Variants in SATL1 observed in about 807,000 individuals in gnomAD.
SATL1 encodes the protein spermidine/spermine N(1)-acetyltransferase-like protein 1.
A neutral mutation model predicts 51.8 loss-of-function variants in SATL1; 47 were observed. The ratio of observed to expected loss-of-function variants is 0.91; its 90% CI spans 0.72 to 1.16. The LOEUF (loss-of-function observed/expected upper bound fraction) is 1.16, where lower values mean the gene tolerates loss of function less well. SATL1 is among the 50% of genes most tolerant of loss of function. SATL1 has a pLI of 0.00. For synonymous variants in SATL1, 176 were observed against 182.4 expected (o/e 0.97, Z 0.28); for missense variants, 520 against 526.4 (o/e 0.99, Z 0.12).
At chrX:85,115,472 A>C (rs1381837128) in intron 2 of SATL1, among the ~76,000 whole-genome samples, 1 of 112,537 alleles carries the variant, frequency 8.9e-6, no homozygotes, top group Non-Finnish European at 1.9e-5. Flanking sequence ...AGACAGGAGA[A>C]GGGTTGGAGG....
chrX:85,194,957 G>T (rs910830247), intron 2 of SATL1, among the ~76,000 whole-genome samples: 2 of 109,251 alleles, frequency 1.8e-5, no homozygotes, highest in Admixed American at 9.9e-5. Flanking sequence ...AACCCCCATG[G>T]CATGTGTATA....
intron 2 of SATL1, among the ~76,000 whole-genome samples, chrX:85,119,610 G>T (rs60300971): frequency 0.14 from 15,844 of 110,694 alleles, 1,698 homozygotes; most frequent in African/African-American, 0.37. Flanking sequence ...GGAAACTCTG[G>T]AGGCTTTTTG....
chrX:85,156,111 G>T (rs1926580595), intron 2 of SATL1, among the ~76,000 whole-genome samples: 1 of 111,391 alleles, frequency 9.0e-6, no homozygotes, highest in Admixed American at 9.6e-5. Flanking sequence ...ATAATAAAAT[G>T]TTGGATGAAT....
intron 2 of SATL1, among the ~76,000 whole-genome samples, chrX:85,182,958 A>T (rs1396927267): frequency 9.0e-6 from 1 of 111,536 alleles, no homozygotes; most frequent in Non-Finnish European, 1.9e-5. Flanking sequence ...GAGATGCTTG[A>T]GTTCCTTGTG....
At chrX:85,099,138 A>C (rs1236490102) in intron 4 of SATL1, among the ~76,000 whole-genome samples, 1 of 111,572 alleles carries the variant, frequency 9.0e-6, no homozygotes, top group Non-Finnish European at 1.9e-5. Context: ...ATTATGATTT[A>C]TATAACAACA....
chrX:85,222,860 T>C (rs993528070), intron 2 of SATL1, among the ~76,000 whole-genome samples: 1 of 111,854 alleles, frequency 8.9e-6, no homozygotes, highest in African/African-American at 3.2e-5. Flanking sequence ...TCTTCTCCAC[T>C]AGGAGAGAAT....
At chrX:85,129,310 T>G (rs1307810437) in intron 2 of SATL1, among the ~76,000 whole-genome samples, 1 of 111,974 alleles carries the variant, frequency 8.9e-6, no homozygotes, top group Admixed American at 9.5e-5. Flanking sequence ...GTTTGTGTCC[T>G]CTTTTATTTT....
intron 2 of SATL1, chrX:85,210,328 T>A (rs1169249948): frequency 9.4e-6 from 1 of 106,476 alleles, no homozygotes; most frequent in African/African-American, 3.4e-5. Context: ...TTAGAACAAT[T>A]TTCTATATCT....
At position 85,189,856 on chromosome X, in the gene SATL1, A is replaced by C. The variant is rs753832061; in HGVS notation, c.-313+34349T>G. On this transcript the variant is annotated intron_variant, in intron 2 of 7. Coordinates refer to ENST00000644105, the MANE Select transcript of SATL1 (RefSeq NM_001367857.2). ...AAAAGAAACTTCTTGTCTCTTCTTT[A>C]GTCATTTCTTTGCTAGTTAGTTCTA... Among the ~76,000 whole-genome samples the C allele has an allele frequency of 1.5e-3, 163 of 112,251 alleles. 1 individual carries two copies. Among genetic ancestry groups the C allele is most frequent in the African/African-American group, 5.1e-3 (159 of 30,968 alleles).
intron 2 of SATL1, among the ~76,000 whole-genome samples, chrX:85,223,303 T>C (rs954776337): frequency 9.0e-6 from 1 of 111,366 alleles, no homozygotes; most frequent in Non-Finnish European, 1.9e-5. Context: ...TTTAGAGACT[T>C]GGTAGTGTTG....
At chrX:85,143,292 T>C (rs1238382850) in intron 2 of SATL1, 4 of 111,767 alleles carry the variant, frequency 3.6e-5, no homozygotes, top group Non-Finnish European at 3.8e-5. Flanking sequence ...ATACATGCTG[T>C]AAAGAACAAG....
At chrX:85,237,967 A>G (rs1215327959) in intron 1 of SATL1, among the ~76,000 whole-genome samples, 1 of 111,737 alleles carries the variant, frequency 8.9e-6, no homozygotes, top group African/African-American at 3.2e-5. Context: ...CATGCTCAAC[A>G]TAATTGATAA....
chrX:85,192,033 G>A (rs1453783691), intron 2 of SATL1, among the ~76,000 whole-genome samples: 2 of 111,776 alleles, frequency 1.8e-5, no homozygotes, highest in East Asian at 2.8e-4. Context: ...TCCTCACTTG[G>A]TGTATCAATT....
chrX:85,158,875 A>G (rs1484825760), intron 2 of SATL1, among the ~76,000 whole-genome samples: 14 of 112,067 alleles, frequency 1.2e-4, no homozygotes, highest in African/African-American at 4.5e-4. Flanking sequence ...GAATAAATTG[A>G]AAGTAGGAGG....
At chrX:85,136,178 G>T (rs1297464152) in intron 2 of SATL1, among the ~76,000 whole-genome samples, 1 of 110,003 alleles carries the variant, frequency 9.1e-6, no homozygotes, top group Non-Finnish European at 1.9e-5. Flanking sequence ...ATAGGAGAAA[G>T]AATAGATAGG....
intron 2 of SATL1, among the ~76,000 whole-genome samples, chrX:85,149,607 A>C (rs1346468109): frequency 8.9e-6 from 1 of 111,977 alleles, no homozygotes; most frequent in Non-Finnish European, 1.9e-5. Context: ...AAATTATAAC[A>C]AACTGTCTCT....
At chrX:85,208,981 G>T (rs764245996) in intron 2 of SATL1, 3 of 112,085 alleles carry the variant, frequency 2.7e-5, no homozygotes, top group African/African-American at 9.7e-5. Flanking sequence ...CCATGCCTAT[G>T]TCCTGAATGG....
At chrX:85,122,439 G>A (rs1925528561) in intron 2 of SATL1, among the ~76,000 whole-genome samples, 1 of 110,984 alleles carries the variant, frequency 9.0e-6, no homozygotes, top group Non-Finnish European at 1.9e-5. Context: ...ACACTCTGAA[G>A]TTTAAGAATC....
At chrX:85,189,589 C>G (rs1182246892) in intron 2 of SATL1, among the ~76,000 whole-genome samples, 1 of 111,895 alleles carries the variant, frequency 8.9e-6, no homozygotes, top group Non-Finnish European at 1.9e-5. Context: ...AACCTCCCCT[C>G]TCAGATAAAA....
Sources: gnomAD v4.1 joint callset for allele counts (sites outside exome capture counted in the v4.1 genomes callset) on GRCh38, gnomAD v4.1.1 for gene constraint, MANE v1.5 for transcripts, NCBI Gene and HGNC (gene_info 2026-07-23, HGNC 2026-07-21) for gene names.